The following PRIM2 variants were observed in gnomAD, a reference collection of about 807,000 sequenced individuals.
The protein encoded by PRIM2 is DNA primase subunit 2, also known as DNA primase large subunit.
A neutral mutation model predicts 67.3 loss-of-function variants in PRIM2; 39 were observed. That is an observed-to-expected ratio of 0.58 (90% confidence interval 0.45 to 0.76). The LOEUF is 0.76. Ranked by LOEUF, PRIM2 falls within the 30% of genes least tolerant of loss-of-function variation. The pLI is 0.00. For synonymous variants in PRIM2, 143 were observed against 198.7 expected, an observed-to-expected ratio of 0.72 and a Z score of 2.36; for missense variants, 398 against 598.7, an observed-to-expected ratio of 0.66 and a Z score of 3.50.
intron 10 of PRIM2, among the ~76,000 whole-genome samples, chr6:57,565,181 A>G (rs1242474659): frequency 6.6e-6 from 1 of 151,996 alleles, no homozygotes; most frequent in Non-Finnish European, 1.5e-5. Context: ...AAAAAATTTA[A>G]CATTATCAAA....
At chr6:57,415,594 T>C (rs1482514527) in intron 7 of PRIM2, among the ~76,000 whole-genome samples, 1 of 152,190 alleles carries the variant, frequency 6.6e-6, no homozygotes, top group East Asian at 1.9e-4. Flanking sequence ...TTGCTGAAGG[T>C]TGGAGTGTCT....
intron 7 of PRIM2, among the ~76,000 whole-genome samples, chr6:57,408,394 T>C (rs1770972139): frequency 1.3e-5 from 2 of 152,200 alleles, no homozygotes; most frequent in Non-Finnish European, 2.9e-5. Flanking sequence ...CTGATTTGCA[T>C]ATGGCTCAGG....
intron 12 of PRIM2, among the ~76,000 whole-genome samples, chr6:57,618,323 T>C (rs1776789748): frequency 6.6e-6 from 1 of 152,188 alleles, no homozygotes; most frequent in African/African-American, 2.4e-5. Context: ...AGATTGTGTA[T>C]AAAGAGGGAT....
chr6:57,583,691 A>G lies in PRIM2; in HGVS notation c.1021-17402A>G, dbSNP rs1394000462. 1.4e-3 allele frequency among the ~76,000 whole-genome samples: 208 copies of G among 152,356 alleles called. 2 individuals carry two copies. In the East Asian group the frequency reaches 0.019, roughly 14 times the overall value. On this transcript the variant is annotated intron_variant, in intron 10 of 13. Coordinates refer to ENST00000615550, the MANE Select transcript of PRIM2 (RefSeq NM_000947.5). ...TTTATAGTCCTTGGGGTATATACCC[A>G]GTAATGGGATGGCTGGGTCAAATGG...
intron 10 of PRIM2, among the ~76,000 whole-genome samples, chr6:57,574,577 A>G (rs1422407552): frequency 6.6e-5 from 10 of 151,962 alleles, no homozygotes; most frequent in Non-Finnish European, 1.2e-4. Flanking sequence ...ATAATTACCT[A>G]TAGGAAATAT....
intron 5 of PRIM2, among the ~76,000 whole-genome samples, chr6:57,370,238 A>AT (rs996273395): frequency 5.3e-5 from 8 of 151,906 alleles, no homozygotes; most frequent in East Asian, 3.9e-4. Flanking sequence ...GAGAATGAGT[A>AT]TTTTTTTTAG....
chr6:57,268,222 T>C, the PRIM2 span, among the ~76,000 whole-genome samples: 1 of 152,150 alleles, frequency 6.6e-6, no homozygotes. Context: ...AAAAACCACA[T>C]TTTGTTCCCT....
Position 57,533,756 on chromosome 6 carries a change from T to G in PRIM2, c.834+1273T>G, listed in dbSNP as rs1329299835. ...ATACTGTTGGAGTTCATAGAAATAT[T>G]AATTCATTTAATGGATATGTATTGA... On this transcript the variant is annotated intron_variant, in intron 9 of 13. Coordinates refer to ENST00000615550, the MANE Select transcript of PRIM2 (RefSeq NM_000947.5). Among the ~76,000 whole-genome samples, 1,171 of 152,334 alleles carry G rather than the reference T, an allele frequency of 7.7e-3. 14 individuals are homozygous for G. The highest frequency in any genetic ancestry group is 0.027 in the African/African-American group (1,114 of 41,570).
chr6:57,563,467 C>A (rs1775678261), intron 10 of PRIM2, among the ~76,000 whole-genome samples: 1 of 151,896 alleles, frequency 6.6e-6, no homozygotes, highest in African/African-American at 2.4e-5. Context: ...TAGTTTAATT[C>A]TTTCTGGTTA....
chr6:57,308,671 C>T, the PRIM2 span, among the ~76,000 whole-genome samples: 1 of 152,112 alleles, frequency 6.6e-6, no homozygotes, highest in Non-Finnish European at 1.5e-5. Context: ...AGTCAACACG[C>T]AATATTTTCA....
At chr6:57,507,534 C>G (rs1774275211) in intron 8 of PRIM2, 80 bp downstream of exon 8, 2 of 1,415,786 alleles carry the variant, frequency 1.4e-6, no homozygotes, top group Non-Finnish European at 1.9e-6. Flanking sequence ...GTGGTGAAAC[C>G]CCTTCAATTA....
At chr6:57,573,456 A>G (rs1250584817) in intron 10 of PRIM2, among the ~76,000 whole-genome samples, 2 of 152,116 alleles carry the variant, frequency 1.3e-5, no homozygotes, top group African/African-American at 4.8e-5. Flanking sequence ...ATTTGAATTA[A>G]TATATATTAA....
intron 5 of PRIM2, among the ~76,000 whole-genome samples, chr6:57,365,192 G>A (rs4712149): frequency 0.7 from 98,755 of 140,770 alleles, 35,232 homozygotes; most frequent in African/African-American, 0.82. Context: ...TTGTTTAACT[G>A]CCCTTGTGCT....
intron 12 of PRIM2, among the ~76,000 whole-genome samples, chr6:57,623,383 A>C (rs1776891182): frequency 6.6e-6 from 1 of 152,192 alleles, no homozygotes; most frequent in Non-Finnish European, 1.5e-5. Flanking sequence ...GTCAAGTAAC[A>C]TATGTTATTG....
At chr6:57,286,146 T>C in the PRIM2 span, among the ~76,000 whole-genome samples, 2 of 152,110 alleles carry the variant, frequency 1.3e-5, no homozygotes, top group Admixed American at 6.6e-5. Context: ...TGCTCATGGA[T>C]AGGAAGAATC....
At chr6:57,539,127 C>G (rs1581977601) in intron 10 of PRIM2, among the ~76,000 whole-genome samples, 1 of 152,060 alleles carries the variant, frequency 6.6e-6, no homozygotes, top group Non-Finnish European at 1.5e-5. Flanking sequence ...TTAATGAAGT[C>G]ACTTAATAGG....
intron 7 of PRIM2, among the ~76,000 whole-genome samples, chr6:57,395,686 T>C (rs1028135131): frequency 1.4e-4 from 22 of 152,268 alleles, no homozygotes; most frequent in African/African-American, 5.3e-4. Flanking sequence ...ATCTTGGTTA[T>C]TTCCTTTCTT....
chr6:57,249,738 G>A, the PRIM2 span, among the ~76,000 whole-genome samples: 26 of 152,130 alleles, frequency 1.7e-4, no homozygotes, highest in Admixed American at 3.3e-4. Context: ...GTGAAACTGC[G>A]TCTCACAAAC....
chr6:57,567,689 C>T lies in PRIM2; in HGVS notation c.1020+30064C>T, dbSNP rs1384675088. ...AAAGCAAAATGCCCTTTGCCTTTTC[C>T]CCCCGTTTTTCATTACCTACTTGCT... On this transcript the variant is annotated intron_variant, in intron 10 of 13. Coordinates refer to ENST00000615550, the MANE Select transcript of PRIM2 (RefSeq NM_000947.5). 2.0e-3 allele frequency among the ~76,000 whole-genome samples: 311 copies of T among 152,104 alleles called. 1 individual carries two copies. Among genetic ancestry groups the T allele is most frequent in the Non-Finnish European group, 3.3e-3 (222 of 67,950 alleles).
Sources: allele counts gnomAD v4.1 joint callset (sites outside exome capture counted in the v4.1 genomes callset), GRCh38; gene constraint gnomAD v4.1.1; transcripts MANE v1.5; gene names NCBI Gene and HGNC (gene_info 2026-07-23, HGNC 2026-07-21).